ANP32B: variants seen among roughly 807,000 people sequenced by gnomAD.
ANP32B encodes acidic nuclear phosphoprotein 32 family member B.
Under a neutral mutation model 32.2 loss-of-function variants are expected in ANP32B, and 6 were observed. That is an observed-to-expected ratio of 0.19 (90% confidence interval 0.10 to 0.37). The LOEUF is 0.37. Among genes scored for constraint, ANP32B ranks in the 10% least tolerant of loss-of-function variants. The pLI, the probability that ANP32B is intolerant of heterozygous loss-of-function variation, is 1.00. For missense variants in ANP32B, 204 were observed against 289.2 expected, an observed-to-expected ratio of 0.71 and a Z score of 2.14; for synonymous variants, 98 against 105.8, an observed-to-expected ratio of 0.93 and a Z score of 0.45.
rs1827909337 is a variant in ANP32B, at chr9:97,996,579, AACACAAATTGGTT to A, written c.204+1800_204+1812del. ...GAACTTTATTTTCTTCCTATTCCAG[AACACAAATTGGTT>A]TTGTTTTGTTTTGTTTTTGAGATGG... is the stretch of plus-strand genomic sequence containing the variant. On this transcript the variant is annotated intron_variant, in intron 2 of 6. Transcript: ENST00000339399. 3.3e-5 allele frequency among the ~76,000 whole-genome samples: 5 copies of A among 152,142 alleles called. No homozygotes were observed. In the South Asian group the frequency reaches 1.0e-3, roughly 31 times the overall value.
At chr9:97,984,671 C>T (rs1827674732) in intron 1 of ANP32B, 1 of 150,824 alleles carries the variant, frequency 6.6e-6, no homozygotes, top group South Asian at 2.1e-4. Flanking sequence ...TGGCGGCCGC[C>T]TCTTCCCGCG....
intron 3 of ANP32B, chr9:98,002,375 A>G (rs1233958186): frequency 6.6e-6 from 1 of 152,178 alleles, no homozygotes; most frequent in Non-Finnish European, 1.5e-5. Context: ...AAGCCCTTCT[A>G]AATTCTAAGA....
intron 6 of ANP32B, among the ~76,000 whole-genome samples, chr9:98,014,888 G>C (rs1279094641): frequency 6.6e-6 from 1 of 152,174 alleles, no homozygotes; most frequent in Non-Finnish European, 1.5e-5. Flanking sequence ...GAGTAGCTGG[G>C]ATTACAGGTA....
chr9:98,012,573 T>C (rs996512408), intron 6 of ANP32B, 101 bp downstream of exon 6: 22 of 1,514,216 alleles, frequency 1.5e-5, no homozygotes, highest in Non-Finnish European at 1.9e-5. Context: ...TAAAATACTC[T>C]TGGCTCTGGT....
At chr9:97,994,016 T>C (rs534736335) in intron 1 of ANP32B, among the ~76,000 whole-genome samples, 14 of 152,378 alleles carry the variant, frequency 9.2e-5, no homozygotes, top group Admixed American at 2.6e-4. Flanking sequence ...TATGTAGCAG[T>C]TCTCTGCTAG....
chr9:98,004,406 T>C (rs1828043771), intron 3 of ANP32B, among the ~76,000 whole-genome samples: 1 of 152,238 alleles, frequency 6.6e-6, no homozygotes, highest in Non-Finnish European at 1.5e-5. Flanking sequence ...CCTCAGCCCA[T>C]ATTGACTCCT....
In ANP32B at chr9:98,015,587, G is replaced by A. The variant is rs928572426; in HGVS notation, c.*156G>A. 86 of 1,357,804 alleles carry A rather than the reference G, an allele frequency of 6.3e-5. No individual in the cohort carries two copies. In the African/African-American group the frequency reaches 7.7e-4, roughly 12 times the overall value. 84.1% of individuals were successfully genotyped at this position (1,357,804 alleles called of 1,614,324 possible). A position where few individuals can be genotyped will look rare whatever the true frequency, so the allele number is the denominator to read the frequency against. The stretch of plus-strand genomic sequence containing the variant: ...CAAAGAATAGTTCCTGTGACATTCC[G>A]CCTTCCTTCCATGTAGTCCCTCTTG... On this transcript the variant is annotated 3_prime_UTR_variant, in exon 7 of 7. Coordinates refer to ENST00000339399, the MANE Select transcript of ANP32B (RefSeq NM_006401.3).
chr9:98,012,622 AGT>A (rs1328493944), intron 6 of ANP32B, 150 bp downstream of exon 6: 1 of 1,240,458 alleles, frequency 8.1e-7, no homozygotes, highest in African/African-American at 1.5e-5. Context: ...TCGTCCCATC[AGT>A]GTGTCTGTGC....
intron 4 of ANP32B, among the ~76,000 whole-genome samples, chr9:98,010,839 G>A (rs1828170408): frequency 1.0e-5 from 1 of 95,960 alleles, no homozygotes; most frequent in Admixed American, 8.7e-5. Flanking sequence ...GAAGGTACAT[G>A]ATTTTTTTTT....
At chr9:98,011,149 AAAGT>A (rs1190605609) in intron 4 of ANP32B, 118 bp from the exon 5 acceptor site, 1 of 1,397,838 alleles carries the variant, frequency 7.2e-7, no homozygotes, top group Admixed American at 2.8e-5. Flanking sequence ...TAGTAGAAAG[AAAGT>A]GACTGCAGTT....
chr9:98,004,568 A>G (rs947837123), intron 3 of ANP32B, among the ~76,000 whole-genome samples: 2 of 152,214 alleles, frequency 1.3e-5, no homozygotes, highest in Non-Finnish European at 2.9e-5. Flanking sequence ...ACCCTAGAAC[A>G]TTAAAGACCG....
chr9:98,003,563 C>T (rs1828029494), intron 3 of ANP32B, among the ~76,000 whole-genome samples: 1 of 152,196 alleles, frequency 6.6e-6, no homozygotes, highest in Non-Finnish European at 1.5e-5. Context: ...CCAACCCCTG[C>T]TCTAGAGCCT....
At chr9:97,985,677 C>T (rs1459584569) in intron 1 of ANP32B, among the ~76,000 whole-genome samples, 1 of 152,218 alleles carries the variant, frequency 6.6e-6, no homozygotes, top group Non-Finnish European at 1.5e-5. Flanking sequence ...TATGCTCAAA[C>T]TAAAGGTCTT....
intron 6 of ANP32B, among the ~76,000 whole-genome samples, chr9:98,014,111 A>C (rs1828234763): frequency 6.6e-6 from 1 of 152,124 alleles, no homozygotes; most frequent in African/African-American, 2.4e-5. Flanking sequence ...TTACATTTAC[A>C]CTAGATATTA....
At chr9:97,996,638 G>A (rs1039110042) in intron 2 of ANP32B, among the ~76,000 whole-genome samples, 1 of 152,084 alleles carries the variant, frequency 6.6e-6, no homozygotes, top group Non-Finnish European at 1.5e-5. Flanking sequence ...TTGTTGCCCA[G>A]GTTGGAGTGC....
rs56785583 is a variant in ANP32B at position 98,003,468 on chromosome 9, AAT to A, written c.328-1494_328-1493del. Among the ~76,000 whole-genome samples the A allele has an allele frequency of 1.6e-3, 238 of 152,300 alleles. 5 individuals carry two copies. In the East Asian group the frequency reaches 0.042, roughly 27 times the overall value. On this transcript the variant is annotated intron_variant, in intron 3 of 6. Transcript: ENST00000339399. ...TTTAGTACATAAGGAGCCATACATA[AAT>A]AAATGAGTGTGACTGTGTTCCAATG...
At chr9:98,009,980 A>G (rs1463137033) in intron 4 of ANP32B, among the ~76,000 whole-genome samples, 1 of 152,200 alleles carries the variant, frequency 6.6e-6, no homozygotes, top group Non-Finnish European at 1.5e-5. Context: ...TCCAAATGTT[A>G]TGTCCCTTTG....
At chr9:98,000,600 G>A (rs1218146047) in intron 3 of ANP32B, among the ~76,000 whole-genome samples, 1 of 152,086 alleles carries the variant, frequency 6.6e-6, no homozygotes, top group Admixed American at 6.6e-5. Context: ...GTAGATAATT[G>A]CTCAGGAGAA....
Position 97,999,096 on chromosome 9 carries a change from C to T in ANP32B, c.327+418C>T, listed in dbSNP as rs1356240032. Among the ~76,000 whole-genome samples the T allele has an allele frequency of 6.9e-4, 17 of 24,580 alleles. 6 individuals are homozygous for T. The highest frequency in any genetic ancestry group is 1.9e-3 in the African/African-American group (2 of 1,060). 16.1% of individuals were successfully genotyped at this position (24,580 alleles called of 152,430 possible). On this transcript the variant is annotated intron_variant, in intron 3 of 6. Transcript: ENST00000339399. The stretch of plus-strand genomic sequence containing the variant: ...TGCTGGGATTACAGGCGTGAGCCAC[C>T]GCGCCCGGCCGAAAGTGGTGGCTTT...
Sources: gnomAD v4.1 joint callset for allele counts (sites outside exome capture counted in the v4.1 genomes callset) on GRCh38, gnomAD v4.1.1 for gene constraint, MANE v1.5 for transcripts, NCBI Gene and HGNC (gene_info 2026-07-23, HGNC 2026-07-21) for gene names.